Variants in TMEM217B observed in about 807,000 individuals in gnomAD.
TMEM217B encodes the protein transmembrane protein 217B, also known as putative transmembrane protein 217B.
At chr6:37,249,071 T>C in the TMEM217B span, among the ~76,000 whole-genome samples, 1 of 152,158 alleles carries the variant, frequency 6.6e-6, no homozygotes, top group Non-Finnish European at 1.5e-5. Context: ...ACACTTGTCA[T>C]TGGATTTGAG....
the TMEM217B span, chr6:37,257,702 C>T: frequency 7.3e-6 from 4 of 545,522 alleles, no homozygotes; most frequent in South Asian, 4.6e-5. Flanking sequence ...GATTCCGGCT[C>T]CCAATTGGTC....
the TMEM217B span, among the ~76,000 whole-genome samples, chr6:37,248,067 C>G: frequency 6.6e-6 from 1 of 152,136 alleles, no homozygotes; most frequent in South Asian, 2.1e-4. Context: ...TTTTCCCTGC[C>G]TCTTTACCTA....
chr6:37,243,762 C>G, the TMEM217B span, among the ~76,000 whole-genome samples: 2 of 152,150 alleles, frequency 1.3e-5, no homozygotes, highest in African/African-American at 4.8e-5. Flanking sequence ...CCACACCTGG[C>G]TAGGGTTTTT....
At chr6:37,240,731 ATTAAT>A in the TMEM217B span, among the ~76,000 whole-genome samples, 4 of 152,140 alleles carry the variant, frequency 2.6e-5, no homozygotes, top group Non-Finnish European at 5.9e-5. Flanking sequence ...GAGAAACATG[ATTAAT>A]TTAAAACAGA....
chr6:37,222,758 C>G, the TMEM217B span, among the ~76,000 whole-genome samples: 1 of 152,208 alleles, frequency 6.6e-6, no homozygotes, highest in African/African-American at 2.4e-5. Flanking sequence ...GAGGTGGGGT[C>G]TACGGCTTTG....
At chr6:37,246,438 T>G in the TMEM217B span, among the ~76,000 whole-genome samples, 3 of 152,162 alleles carry the variant, frequency 2.0e-5, no homozygotes, top group African/African-American at 7.2e-5. Flanking sequence ...AAACTGTTAC[T>G]TTTGCTCACA....
At chr6:37,252,145 G>A in the TMEM217B span, among the ~76,000 whole-genome samples, 5 of 152,112 alleles carry the variant, frequency 3.3e-5, no homozygotes, top group Admixed American at 6.5e-5. Context: ...CGCCTGCCTC[G>A]GCCTCCCAAA....
At chr6:37,222,287 G>C in the TMEM217B span, among the ~76,000 whole-genome samples, 1 of 152,180 alleles carries the variant, frequency 6.6e-6, no homozygotes, top group Non-Finnish European at 1.5e-5. Flanking sequence ...CCTTCCACCC[G>C]GGAATCGATA....
At chr6:37,240,823 T>C in the TMEM217B span, among the ~76,000 whole-genome samples, 1 of 152,228 alleles carries the variant, frequency 6.6e-6, no homozygotes, top group Non-Finnish European at 1.5e-5. Context: ...CAAAAATATA[T>C]GTACCTATCT....
At chr6:37,219,116 T>A in the TMEM217B span, 2 of 1,307,274 alleles carry the variant, frequency 1.5e-6, no homozygotes, top group African/African-American at 3.0e-5. Context: ...TCTGCCTCCT[T>A]CCCCAAATCT....
chr6:37,233,696 A>C, the TMEM217B span, among the ~76,000 whole-genome samples: 3 of 152,220 alleles, frequency 2.0e-5, no homozygotes, highest in Non-Finnish European at 4.4e-5. Flanking sequence ...TGCTATCATC[A>C]TAGTCCAAAA....
chr6:37,222,242 T>C, the TMEM217B span, among the ~76,000 whole-genome samples: 1 of 152,210 alleles, frequency 6.6e-6, no homozygotes, highest in Non-Finnish European at 1.5e-5. Context: ...AGGCTCTCCC[T>C]GGCCTGAGGG....
At chr6:37,216,359 G>A in the TMEM217B span, among the ~76,000 whole-genome samples, 30 of 152,242 alleles carry the variant, frequency 2.0e-4, no homozygotes, top group East Asian at 4.6e-3. Context: ...GATTACAGAC[G>A]TGAGCCCCTG....
chr6:37,222,875 G>A, the TMEM217B span, among the ~76,000 whole-genome samples: 1 of 152,368 alleles, frequency 6.6e-6, no homozygotes, highest in South Asian at 2.1e-4. Flanking sequence ...CCTCCCTGCT[G>A]CAGCTGGAGT....
At chr6:37,250,678 ATCTC>A in the TMEM217B span, among the ~76,000 whole-genome samples, 1 of 152,246 alleles carries the variant, frequency 6.6e-6, no homozygotes, top group Non-Finnish European at 1.5e-5. Flanking sequence ...ACAACCAAGT[ATCTC>A]TCTCAGGCGT....
chr6:37,235,046 T>C, the TMEM217B span, among the ~76,000 whole-genome samples: 5 of 152,316 alleles, frequency 3.3e-5, no homozygotes, highest in South Asian at 1.0e-3. Flanking sequence ...AAACACAGTA[T>C]CTTCTTAACT....
the TMEM217B span, chr6:37,218,651 A>G: frequency 6.2e-7 from 1 of 1,614,194 alleles, no homozygotes; most frequent in East Asian, 2.2e-5. Flanking sequence ...AAACCAGCGC[A>G]TGATTCTGAC....
the TMEM217B span, among the ~76,000 whole-genome samples, chr6:37,242,649 A>G: frequency 6.6e-6 from 1 of 152,208 alleles, no homozygotes; most frequent in Non-Finnish European, 1.5e-5. Flanking sequence ...CTGGGACCCA[A>G]CTTTCCAGGG....
At chr6:37,248,236 T>C in the TMEM217B span, among the ~76,000 whole-genome samples, 1 of 152,190 alleles carries the variant, frequency 6.6e-6, no homozygotes, top group Non-Finnish European at 1.5e-5. Context: ...TACTAGATTA[T>C]ACACTTGTTG....
Sources: allele counts gnomAD v4.1 joint callset (sites outside exome capture counted in the v4.1 genomes callset), GRCh38; gene constraint gnomAD v4.1.1; transcripts MANE v1.5; gene names NCBI Gene and HGNC (gene_info 2026-07-23, HGNC 2026-07-21).